Variants in TRAPPC11 observed in about 807,000 individuals in gnomAD.
The protein encoded by TRAPPC11 is foie gras homolog.
In TRAPPC11, 104 loss-of-function variants were observed where a neutral mutation model predicts 151.2. The ratio of observed to expected loss-of-function variants is 0.69; its 90% CI spans 0.59 to 0.81. TRAPPC11 has a LOEUF of 0.81. Among genes scored for constraint, TRAPPC11 ranks in the 30% least tolerant of loss-of-function variants. The probability of loss-of-function intolerance (pLI) is 0.00; values close to 1 mark genes in which losing one functional copy is unlikely to be tolerated. For synonymous variants in TRAPPC11, 456 were observed against 472.3 expected, an observed-to-expected ratio of 0.97 and a Z score of 0.45; for missense variants, 1,230 against 1,349.6, an observed-to-expected ratio of 0.91 and a Z score of 1.39.
chr4:183,701,901 C>G, intron 26 of TRAPPC11, 93 bp downstream of exon 26: 1 of 895,356 alleles, frequency 1.1e-6, no homozygotes, highest in South Asian at 1.4e-5. Flanking sequence ...TTGAGAGTTT[C>G]TGTCATTCTG....
chr4:183,702,570 G>A (rs36033320), intron 26 of TRAPPC11, among the ~76,000 whole-genome samples: 29,285 of 152,102 alleles, frequency 0.19, 3,270 homozygotes, highest in Middle Eastern at 0.3. Context: ...GCATTTATAT[G>A]CCATTGAAAA....
At chr4:183,668,846 T>G (rs78154273) in intron 5 of TRAPPC11, among the ~76,000 whole-genome samples, 2 of 152,244 alleles carry the variant, frequency 1.3e-5, no homozygotes, top group African/African-American at 4.8e-5. Context: ...TATTTAGATA[T>G]GAATATTTTC....
rs182732244 is a variant in TRAPPC11 at position 183,669,841 on chromosome 4, C to T, written c.560+1724C>T. ...GCCCACCACAGCTTTCAAATTTAGG[C>T]GGTCATGGATTCAAGAGAAACAGAG... On this transcript the variant is annotated intron_variant, in intron 5 of 29. Coordinates refer to ENST00000334690, the MANE Select transcript of TRAPPC11 (RefSeq NM_021942.6). Among the ~76,000 whole-genome samples the T allele has an allele frequency of 2.7e-3, 407 of 152,286 alleles. 3 individuals are homozygous for T. Among genetic ancestry groups the T allele is most frequent in the African/African-American group, 8.8e-3 (365 of 41,570 alleles).
intron 25 of TRAPPC11, 107 bp from the exon 26 acceptor site, chr4:183,701,590 A>C (rs761139580): frequency 5.4e-6 from 4 of 747,212 alleles, no homozygotes; most frequent in Non-Finnish European, 9.4e-6. Flanking sequence ...TCTACAAGTA[A>C]TATATAGTGG....
At chr4:183,674,835 A>G in intron 6 of TRAPPC11, 23 bp downstream of exon 6, 1 of 1,375,254 alleles carries the variant, frequency 7.3e-7, no homozygotes, top group Non-Finnish European at 1.0e-6. Flanking sequence ...TTGCAATAAT[A>G]GAAGCATTCT....
At chr4:183,661,189 G>A (rs1264722383) in intron 1 of TRAPPC11, among the ~76,000 whole-genome samples, 1 of 151,898 alleles carries the variant, frequency 6.6e-6, no homozygotes, top group East Asian at 1.9e-4. Context: ...TTGAATACCT[G>A]TTGTTCTTTC....
rs754582815 is a variant in TRAPPC11 at position 183,684,825 on chromosome 4, A to G, written c.1551A>G (p.Leu517=). The change falls in exon 15 of 30, where the codon CTA becomes CTG. Residue 517 remains leucine, a synonymous_variant. Coordinates refer to ENST00000334690, the MANE Select transcript of TRAPPC11 (RefSeq NM_021942.6). ...AQLKDYITYS[L]ELLGRASTLK... ...TAAAGGATTACATTACTTACTCCCT[A>G]GAACTCCTTGGTAGAGGTAACCTGA... 54 of 1,613,422 alleles carry G rather than the reference A, an allele frequency of 3.3e-5. No homozygotes were observed. The highest frequency in any genetic ancestry group is 4.5e-5 in the Non-Finnish European group (53 of 1,179,692).
rs915969641 is a variant in TRAPPC11 at position 183,683,180 on chromosome 4, T to G, written c.1207+355T>G. Among the ~76,000 whole-genome samples, 9 of 151,198 alleles carry G rather than the reference T, an allele frequency of 6.0e-5. No homozygotes were observed. In the South Asian group the frequency reaches 1.9e-3, roughly 32 times the overall value. On this transcript the variant is annotated intron_variant, in intron 11 of 29. Coordinates refer to ENST00000334690, the MANE Select transcript of TRAPPC11 (RefSeq NM_021942.6). ...CAAAAAAAAAAAAAAAATACAACAT[T>G]TGGACATCTGTTGTTTTAAATGACA...
Position 183,684,915 on chromosome 4 carries a change from A to G in TRAPPC11, c.1567+74A>G, listed in dbSNP as rs1735887672. ...GCATCTTTAAGCTTTTTAAAATTTA[A>G]AGAATAATTTAGTCCCAGATAATTA... is the stretch of plus-strand genomic sequence containing the variant. On this transcript the variant is annotated intron_variant, in intron 15 of 29. Coordinates refer to ENST00000334690, the MANE Select transcript of TRAPPC11 (RefSeq NM_021942.6). 6.9e-6 allele frequency: 10 copies of G among 1,455,048 alleles called. No individual in the cohort carries two copies. The South Asian group carries it at 9.9e-5, about 14-fold the overall frequency. 90.1% of individuals were successfully genotyped at this position (1,455,048 alleles called of 1,614,324 possible).
At chr4:183,674,616 T>C (rs1735319331) in intron 5 of TRAPPC11, 97 bp from the exon 6 acceptor site, 2 of 623,498 alleles carry the variant, frequency 3.2e-6, no homozygotes, top group South Asian at 4.9e-5. Flanking sequence ...CAGATATTTC[T>C]GTCACCATTT....
At position 183,685,091 on chromosome 4, in the gene TRAPPC11, T is replaced by A. The variant is rs1188106131; in HGVS notation, c.1575T>A (p.Thr525=). Residue 525 remains threonine, a synonymous_variant, in exon 16 of 30, where the codon ACT becomes ACA. Transcript: ENST00000334690. ...CTTCTTTCTTCATACTAGCTTCAAC[T>A]CTGAAAGATGACCAGAAGTCTCGGA... The part of the protein sequence containing the change: ...YSLELLGRAS[T]LKDDQKSRIE... 12 of 1,613,672 alleles carry A rather than the reference T, an allele frequency of 7.4e-6. No individual in the cohort carries two copies. Among genetic ancestry groups the A allele is most frequent in the African/African-American group, 1.3e-5 (1 of 74,920 alleles).
chr4:183,678,694 C>T (rs1296804759), intron 8 of TRAPPC11, among the ~76,000 whole-genome samples: 2 of 152,140 alleles, frequency 1.3e-5, no homozygotes, highest in Non-Finnish European at 2.9e-5. Flanking sequence ...ATGGCAGAAA[C>T]TGATTGCCTC....
chr4:183,695,257 C>G (rs1351421387), intron 23 of TRAPPC11, among the ~76,000 whole-genome samples: 2 of 152,016 alleles, frequency 1.3e-5, no homozygotes, highest in Non-Finnish European at 2.9e-5. Context: ...GCCTATATGG[C>G]TTTTCGTATA....
In TRAPPC11 at chr4:183,694,683, C is replaced by T. The variant is rs751178433; in HGVS notation, c.2588C>T (p.Thr863Ile). 25 of 1,608,204 alleles carry T rather than the reference C, an allele frequency of 1.6e-5. No homozygotes were observed. The highest frequency in any genetic ancestry group is 2.1e-5 in the Non-Finnish European group (25 of 1,178,602). The change falls in exon 23 of 30, where the codon ACA (threonine) becomes ATA (isoleucine). Residue 863 changes from threonine (T) to isoleucine (I), a missense_variant. Transcript: ENST00000334690. ...GTATATGTTTCTTACCTGATAAATA[C>T]AACCGTTGAAGAAAAAGAAATTGTT... is the stretch of plus-strand genomic sequence containing the variant. ...FLVYVSYLIN[T>I]TVEEKEIVCK...
intron 23 of TRAPPC11, among the ~76,000 whole-genome samples, chr4:183,695,157 T>G (rs1338438524): frequency 6.6e-6 from 1 of 151,774 alleles, no homozygotes; most frequent in Non-Finnish European, 1.5e-5. Context: ...TCCATGTTGG[T>G]CAGGCTGGTC....
chr4:183,674,711 A>T lies in TRAPPC11; in HGVS notation c.561-2A>T. On this transcript the variant is annotated splice_acceptor_variant, in intron 5 of 29. Coordinates refer to ENST00000334690, the MANE Select transcript of TRAPPC11 (RefSeq NM_021942.6). LOFTEE classifies it high-confidence loss of function. ...ATGCTTGTTTGTTTTTGTTTTTTAC[A>T]GATTGGAAAATGCCTTTTATGAACA... The T allele has an allele frequency of 6.6e-7, 1 of 1,519,530 alleles. No individual in the cohort carries two copies. Among genetic ancestry groups the T allele is most frequent in the Non-Finnish European group, 8.8e-7 (1 of 1,131,680 alleles). 94.1% of individuals were successfully genotyped at this position (1,519,530 alleles called of 1,614,324 possible). A position where few individuals can be genotyped will look rare whatever the true frequency, so the allele number is the denominator to read the frequency against.
At position 183,664,042 on chromosome 4, in the gene TRAPPC11, G is replaced by T. The variant is rs1383675560; in HGVS notation, c.175G>T (p.Asp59Tyr). ...AATTTCTTTCAAGGTGCTCCCAGGT[G>T]ACCATGAGTATCCCAAATGTAGACC... ...VPISFKVLPG[D>Y]HEYPKCRPKR... The change falls in exon 2 of 30, where the codon GAC becomes TAC. Residue 59 changes from aspartate (D) to tyrosine (Y), a missense_variant. Physicochemically the swap from Asp to Tyr is radical, Grantham distance 160. Coordinates refer to ENST00000334690, the MANE Select transcript of TRAPPC11 (RefSeq NM_021942.6). 2.7e-5 allele frequency: 43 copies of T among 1,613,494 alleles called. No homozygotes were observed. The highest frequency in any genetic ancestry group is 3.6e-5 in the Non-Finnish European group (42 of 1,180,002).
At chr4:183,704,518 CAAA>C (rs140497615) in intron 26 of TRAPPC11, among the ~76,000 whole-genome samples, 1 of 86,420 alleles carries the variant, frequency 1.2e-5, no homozygotes, top group Non-Finnish European at 2.4e-5. Flanking sequence ...GAGACTGTCT[CAAA>C]AAAAAAAAAA....
rs1561063218 is a variant in TRAPPC11, at chr4:183,705,007, A to AT, written c.2993dup (p.Thr999HisfsTer41). 1.9e-6 allele frequency: 3 copies of AT among 1,599,878 alleles called. No individual in the cohort carries two copies. The highest frequency in any genetic ancestry group is 2.6e-6 in the Non-Finnish European group (3 of 1,170,008). Reference sequence around the variant, plus strand: ...CTCAGCAATGGAGAATATCCCCATCATCACAACTGTCATCACTCTGCCGCA... The same window carrying AT: ...CTCAGCAATGGAGAATATCCCCATCATTCACAACTGTCATCACTCTGCCGCA... On this transcript the variant is annotated frameshift_variant, in exon 27 of 30. Coordinates refer to ENST00000334690, the MANE Select transcript of TRAPPC11 (RefSeq NM_021942.6). LOFTEE classifies it high-confidence loss of function.
Sources: gnomAD v4.1 joint callset for allele counts (sites outside exome capture counted in the v4.1 genomes callset) on GRCh38, gnomAD v4.1.1 for gene constraint, MANE v1.5 for transcripts, NCBI Gene and HGNC (gene_info 2026-07-23, HGNC 2026-07-21) for gene names.